Variants in ZFP42 observed in about 807,000 individuals in gnomAD.
ZFP42 encodes the protein ZFP42 zinc finger protein.
For missense variants in ZFP42, 438 were observed against 377.1 expected, an observed-to-expected ratio of 1.16 and a Z score of -1.34; for synonymous variants, 175 against 144.6, an observed-to-expected ratio of 1.21 and a Z score of -1.51.
Position 188,002,883 on chromosome 4 carries a change from A to C in ZFP42, c.76A>C (p.Lys26Gln). Residue 26 changes from lysine to glutamine, a missense_variant, in exon 4 of 4, where the codon AAG (lysine) becomes CAG (glutamine). By Grantham distance (53) the Lys-to-Gln change is moderately conservative. Transcript: ENST00000326866. ...GGGTGGAAGAGCCCCCAGTGGGGCT[A>C]AGCCCAGGCAAGGCAAGTCAAGCCA... Reference protein sequence around the residue: ...GLGGRAPSGAKPRQGKSSQDL... With the variant: ...GLGGRAPSGAQPRQGKSSQDL... 1 of 1,614,232 alleles carries C rather than the reference A, an allele frequency of 6.2e-7. No homozygotes were observed. The highest frequency in any genetic ancestry group is 8.5e-7 in the Non-Finnish European group (1 of 1,180,038).
In ZFP42 at chr4:188,003,832, A is replaced by G; in HGVS notation, c.*92A>G. On this transcript the variant is annotated 3_prime_UTR_variant, in exon 4 of 4. Coordinates refer to ENST00000326866, the MANE Select transcript of ZFP42 (RefSeq NM_174900.5). ...GTTTCTAGGAAGGAATTTCTAAATC[A>G]ATATTGCAACCCCAAAAGCGGTTAT... The G allele has an allele frequency of 7.6e-7, 1 of 1,322,238 alleles. No individual in the cohort carries two copies. The highest frequency in any genetic ancestry group is 1.5e-5 in the South Asian group (1 of 65,144). 81.9% of individuals were successfully genotyped at this position (1,322,238 alleles called of 1,614,324 possible).
intron 1 of ZFP42, among the ~76,000 whole-genome samples, chr4:187,998,510 TC>T (rs1733692568): frequency 6.7e-6 from 1 of 149,322 alleles, no homozygotes; most frequent in African/African-American, 2.6e-5. Context: ...CACTCAACAC[TC>T]ACTCACTCAC....
chr4:188,005,156 G>A (rs1229876258), downstream of ZFP42: 1 of 166,138 alleles, frequency 6.0e-6, no homozygotes, highest in Non-Finnish European at 1.5e-5. Context: ...TTCGGTATAG[G>A]TGAGATATGG....
Position 188,003,593 on chromosome 4 carries a change from G to A in ZFP42, c.786G>A (p.Leu262=), listed in dbSNP as rs777247717. The A allele has an allele frequency of 8.5e-5, 137 of 1,613,360 alleles. No homozygotes were observed. Among genetic ancestry groups the A allele is most frequent in the Non-Finnish European group, 1.1e-4 (131 of 1,180,048 alleles). Residue 262 remains leucine (L), a synonymous_variant, in exon 4 of 4, where the codon TTG becomes TTA. Transcript: ENST00000326866. ...AGCGCTTCTCTCTGGACTTTAATTT[G>A]CGTACGCACGTGCGCATCCACACGG... ...CGKRFSLDFN[L]RTHVRIHTGE... is the part of the protein sequence containing the mutation.
chr4:188,000,858 G>T (rs551249824), intron 3 of ZFP42, among the ~76,000 whole-genome samples: 1 of 118,252 alleles, frequency 8.5e-6, no homozygotes, highest in African/African-American at 3.4e-5. Flanking sequence ...GTGGCGGGGC[G>T]GGGGGGCGCC....
In ZFP42 at chr4:188,003,235, A is replaced by T. The variant is rs757111204; in HGVS notation, c.428A>T (p.Tyr143Phe). The T allele has an allele frequency of 8.7e-6, 14 of 1,614,012 alleles. No homozygotes were observed. In the Middle Eastern group the frequency reaches 4.9e-4, roughly 57 times the overall value. The change falls in exon 4 of 4, where the codon TAT becomes TTT. Residue 143 changes from tyrosine to phenylalanine, a missense_variant. By Grantham distance (22) the Tyr-to-Phe change is conservative. Coordinates refer to ENST00000326866, the MANE Select transcript of ZFP42 (RefSeq NM_174900.5). The stretch of plus-strand genomic sequence containing the variant: ...ATAGTTGGAGAGAATTCGCTTGAGT[A>T]TTCTGAGTACATGACAGGCAAGAAG... Reference protein sequence around the residue: ...QKIVGENSLEYSEYMTGKKLP... With the variant: ...QKIVGENSLEFSEYMTGKKLP...
intron 1 of ZFP42, among the ~76,000 whole-genome samples, chr4:187,996,869 A>G (rs1263733630): frequency 6.6e-6 from 1 of 152,106 alleles, no homozygotes; most frequent in Admixed American, 6.5e-5. Context: ...TGCTTGTTGG[A>G]AGCCCTGTAA....
At chr4:187,996,298 G>A (rs1485501367) in intron 1 of ZFP42, among the ~76,000 whole-genome samples, 4 of 151,104 alleles carry the variant, frequency 2.6e-5, no homozygotes, top group Non-Finnish European at 5.9e-5. Context: ...AAAAAACCTA[G>A]GAGACTCTTT....
chr4:187,997,514 A>C (rs1057363046), intron 1 of ZFP42, among the ~76,000 whole-genome samples: 1 of 151,350 alleles, frequency 6.6e-6, no homozygotes, highest in African/African-American at 2.4e-5. Flanking sequence ...AGCGTGAGCC[A>C]CCGCTCCCGG....
At chr4:188,002,685 T>G (rs1733875731) in intron 3 of ZFP42, 28 bp from the exon 4 acceptor site, 1 of 801,030 alleles carries the variant, frequency 1.2e-6, no homozygotes, top group African/African-American at 1.7e-5. Context: ...GGAATCTATT[T>G]TAACTAAAGG....
At chr4:187,995,987 G>C (rs1051391366) in intron 1 of ZFP42, 147 bp downstream of exon 1, 1 of 152,338 alleles carries the variant, frequency 6.6e-6, no homozygotes, top group East Asian at 1.9e-4. Flanking sequence ...CGGCCTCGCC[G>C]GGAGACTTGT....
chr4:188,003,662 G>T lies in ZFP42; in HGVS notation c.855G>T (p.Arg285Ser). 3 of 1,613,760 alleles carry T rather than the reference G, an allele frequency of 1.9e-6. No individual in the cohort carries two copies. The highest frequency in any genetic ancestry group is 2.5e-6 in the Non-Finnish European group (3 of 1,180,046). Residue 285 changes from arginine to serine, a missense_variant, in exon 4 of 4, where the codon AGG becomes AGT. Coordinates refer to ENST00000326866, the MANE Select transcript of ZFP42 (RefSeq NM_174900.5). ...GTCCCTTTCAAGGCTGCAACAGGAG[G>T]TTTATTCAGTCAAATAACCTGAAAG... ...FVCPFQGCNR[R>S]FIQSNNLKAH... is the part of the protein sequence containing the mutation.
chr4:188,002,868 G>C lies in ZFP42; in HGVS notation c.61G>C (p.Ala21Pro). The C allele has an allele frequency of 2.5e-6, 4 of 1,614,220 alleles. No homozygotes were observed. In the South Asian group the frequency reaches 4.4e-5, roughly 18 times the overall value. The change falls in exon 4 of 4, where the codon GCC becomes CCC. Residue 21 changes from alanine to proline, a missense_variant. Ala to Pro is a conservative substitution (Grantham distance 27). Coordinates refer to ENST00000326866, the MANE Select transcript of ZFP42 (RefSeq NM_174900.5). The stretch of plus-strand genomic sequence containing the variant: ...ACACCAGAAAGGCCTGGGTGGAAGA[G>C]CCCCCAGTGGGGCTAAGCCCAGGCA... Reference protein sequence around the residue: ...TRHQKGLGGRAPSGAKPRQGK... With the variant: ...TRHQKGLGGRPPSGAKPRQGK...
rs1733917392 is a variant in ZFP42, at chr4:188,003,339, A to G, written c.532A>G (p.Ile178Val). Residue 178 changes from isoleucine to valine, a missense_variant, in exon 4 of 4, where the codon ATA becomes GTA. By Grantham distance (29) the Ile-to-Val change is conservative. Transcript: ENST00000326866. ...LAEFARKKPPINKEYDSLSAI... is the reference protein window; with the variant it reads ...LAEFARKKPPVNKEYDSLSAI... Reference sequence around the variant, plus strand: ...AGAATTTGCTAGAAAGAAGCCCCCCATAAATAAAGAATATGACAGTCTGAG... The same window carrying G: ...AGAATTTGCTAGAAAGAAGCCCCCCGTAAATAAAGAATATGACAGTCTGAG... The G allele has an allele frequency of 6.2e-7, 1 of 1,614,002 alleles. No individual in the cohort carries two copies. The highest frequency in any genetic ancestry group is 8.5e-7 in the Non-Finnish European group (1 of 1,180,048).
chr4:188,003,072 G>T lies in ZFP42; in HGVS notation c.265G>T (p.Asp89Tyr), dbSNP rs770562419. 8 of 1,614,048 alleles carry T rather than the reference G, an allele frequency of 5.0e-6. No homozygotes were observed. The highest frequency in any genetic ancestry group is 6.8e-6 in the Non-Finnish European group (8 of 1,180,036). ...GTTTTCTCAACCCATCCTGGAAGAG[G>T]ACTCACTTTTTGAGTCCTTGGAATA... Reference protein sequence around the residue: ...GEFSQPILEEDSLFESLEYLK... With the variant: ...GEFSQPILEEYSLFESLEYLK... The change falls in exon 4 of 4, where the codon GAC becomes TAC. Residue 89 changes from aspartate to tyrosine, a missense_variant. Coordinates refer to ENST00000326866, the MANE Select transcript of ZFP42 (RefSeq NM_174900.5).
chr4:187,996,277 A>G, intron 1 of ZFP42, among the ~76,000 whole-genome samples: 1 of 151,908 alleles, frequency 6.6e-6, no homozygotes, highest in East Asian at 1.9e-4. Flanking sequence ...CCCAACTCAA[A>G]TTACTCTAGC....
At chr4:188,000,383 TTTG>T (rs1017413930) in intron 3 of ZFP42, among the ~76,000 whole-genome samples, 1 of 142,424 alleles carries the variant, frequency 7.0e-6, no homozygotes, top group African/African-American at 2.5e-5. Context: ...CCTCTATATT[TTTG>T]TTTTCTTTTT....
intron 3 of ZFP42, 32 bp downstream of exon 3, chr4:187,999,717 G>GCT (rs1291344987): frequency 6.6e-6 from 1 of 152,302 alleles, no homozygotes; most frequent in Non-Finnish European, 1.5e-5. Context: ...GGACACCAGA[G>GCT]CTCTGATCAG....
rs1329680358 is a variant in ZFP42 at position 188,003,188 on chromosome 4, A to C, written c.381A>C (p.Val127=). The C allele has an allele frequency of 6.2e-7, 1 of 1,613,914 alleles. No homozygotes were observed. The highest frequency in any genetic ancestry group is 8.5e-7 in the Non-Finnish European group (1 of 1,179,992). ...ECSLEYMKKG[V]KKELPQKIVG... ...CTTTGGAATACATGAAAAAAGGGGT[A>C]AAGAAAGAGCTTCCACAAAAGATAG... Residue 127 remains valine, a synonymous_variant, in exon 4 of 4, where the codon GTA becomes GTC. Transcript: ENST00000326866.
Sources: gnomAD v4.1 joint callset for allele counts (sites outside exome capture counted in the v4.1 genomes callset) on GRCh38, gnomAD v4.1.1 for gene constraint, MANE v1.5 for transcripts, NCBI Gene and HGNC (gene_info 2026-07-23, HGNC 2026-07-21) for gene names.